The following BMPR2 variants were observed in gnomAD, a reference collection of about 807,000 sequenced individuals.
The protein encoded by BMPR2 is bone morphogenetic protein receptor type 2.
Under a neutral mutation model 100.8 loss-of-function variants are expected in BMPR2, and 29 were observed. The observed-to-expected ratio is 0.29, with a 90% CI of 0.21 to 0.39. The LOEUF (loss-of-function observed/expected upper bound fraction) is 0.39. Ranked by LOEUF, BMPR2 falls within the 10% of genes least tolerant of loss-of-function variation. The pLI is 1.00. For missense variants in BMPR2, 1,011 were observed against 1,274.5 expected (o/e 0.79, Z 3.15); for synonymous variants, 382 against 442.3 (o/e 0.86, Z 1.71).
intron 1 of BMPR2, among the ~76,000 whole-genome samples, chr2:202,448,924 GGTGTGTGTGTGTGTGTGT>G (rs55680029): frequency 2.8e-5 from 4 of 142,812 alleles, no homozygotes; most frequent in Non-Finnish European, 4.6e-5. Context: ...GTTTAGAATT[GGTGTGTGTGTGTGTGTGT>G]GTGTGTGTGT....
chr2:202,509,178 T>C (rs929073492), intron 3 of BMPR2, among the ~76,000 whole-genome samples: 22 of 152,122 alleles, frequency 1.4e-4, no homozygotes, highest in African/African-American at 5.1e-4. Context: ...TAGTTGGTCG[T>C]AGTTTAAGCA....
intron 1 of BMPR2, among the ~76,000 whole-genome samples, chr2:202,427,987 TAAAC>T (rs545549847): frequency 1.1e-3 from 165 of 152,074 alleles, no homozygotes; most frequent in African/African-American, 3.4e-3. Context: ...TTCACAAAAA[TAAAC>T]AAACAAACAA....
At position 202,567,483 on chromosome 2, in the gene BMPR2, G is replaced by A. The variant is rs1688783730; in HGVS notation, c.*7537G>A. On this transcript the variant is annotated 3_prime_UTR_variant, in exon 13 of 13. Coordinates refer to ENST00000374580, the MANE Select transcript of BMPR2 (RefSeq NM_001204.7). ...TTGCTATGCTGTATAAGTTGTGTTT[G>A]ATGGATCAGTGTGAGTATAAAATAA... 6.6e-6 allele frequency: 1 copy of A among 152,570 alleles called. No homozygotes were observed. The highest frequency in any genetic ancestry group is 6.5e-5 in the Admixed American group (1 of 15,280). The allele number at this position is 152,570 out of a possible 1,614,324, so 9.5% of individuals were successfully genotyped here. A position where few individuals can be genotyped will look rare whatever the true frequency, so the allele number is the denominator to read the frequency against.
chr2:202,468,971 G>A (rs147227262), intron 3 of BMPR2, among the ~76,000 whole-genome samples: 97 of 152,218 alleles, frequency 6.4e-4, no homozygotes, highest in Non-Finnish European at 1.1e-3. Context: ...GAATATGGAA[G>A]GGAGTGAATG....
At chr2:202,380,459 G>A (rs1690257949) in intron 1 of BMPR2, among the ~76,000 whole-genome samples, 1 of 151,934 alleles carries the variant, frequency 6.6e-6, no homozygotes, top group South Asian at 2.1e-4. Context: ...CAAAGTGTGG[G>A]TACTGCAACA....
At chr2:202,396,627 C>T (rs997958461) in intron 1 of BMPR2, among the ~76,000 whole-genome samples, 1 of 152,002 alleles carries the variant, frequency 6.6e-6, no homozygotes, top group African/African-American at 2.4e-5. Flanking sequence ...AGGCAGAGAA[C>T]ATCATAAAGA....
intron 1 of BMPR2, among the ~76,000 whole-genome samples, chr2:202,399,460 G>A (rs1240120573): frequency 6.6e-6 from 1 of 152,216 alleles, no homozygotes; most frequent in Non-Finnish European, 1.5e-5. Context: ...ACAACAAGGG[G>A]TTAGACAGGC....
chr2:202,428,851 C>T (rs1691445019), intron 1 of BMPR2, among the ~76,000 whole-genome samples: 1 of 152,186 alleles, frequency 6.6e-6, no homozygotes. Context: ...CACAAATTCT[C>T]CATCTTTCCA....
chr2:202,549,075 C>G (rs778886994), intron 10 of BMPR2, among the ~76,000 whole-genome samples: 1 of 152,108 alleles, frequency 6.6e-6, no homozygotes, highest in Non-Finnish European at 1.5e-5. Context: ...AACCACTGAT[C>G]TGCTTTCTGT....
chr2:202,472,815 A>T (rs189312859), intron 3 of BMPR2, among the ~76,000 whole-genome samples: 4 of 152,202 alleles, frequency 2.6e-5, no homozygotes, highest in Non-Finnish European at 5.9e-5. Context: ...CAGTAATGCT[A>T]TTGCAATAAA....
intron 1 of BMPR2, among the ~76,000 whole-genome samples, chr2:202,410,121 A>T (rs1690984147): frequency 6.6e-6 from 1 of 152,038 alleles, no homozygotes; most frequent in Non-Finnish European, 1.5e-5. Context: ...AGTAGCTAGG[A>T]CTATAGGCAT....
At chr2:202,481,187 T>C (rs1692653928) in intron 3 of BMPR2, among the ~76,000 whole-genome samples, 1 of 152,014 alleles carries the variant, frequency 6.6e-6, no homozygotes, top group Non-Finnish European at 1.5e-5. Flanking sequence ...TCTTCTCTTC[T>C]CTTCTCTTGA....
rs1688737180 is a variant in BMPR2 at position 202,565,041 on chromosome 2, T to TC, written c.*5097dup. 1 of 151,088 alleles carries TC rather than the reference T, an allele frequency of 6.6e-6. No individual in the cohort carries two copies. The highest frequency in any genetic ancestry group is 2.5e-5 in the African/African-American group (1 of 40,476). 9.4% of individuals were successfully genotyped at this position (151,088 alleles called of 1,614,324 possible). ...TCCAGCCTGGGCTACAGAGTGAGACTCCATCTCAAAAAAAAACAAAAAAAA... is the reference window on the plus strand; with the variant it reads ...TCCAGCCTGGGCTACAGAGTGAGACTCCCATCTCAAAAAAAAACAAAAAAAA... On this transcript the variant is annotated 3_prime_UTR_variant, in exon 13 of 13. Coordinates refer to ENST00000374580, the MANE Select transcript of BMPR2 (RefSeq NM_001204.7).
chr2:202,558,193 A>C (rs1480041699), intron 12 of BMPR2, among the ~76,000 whole-genome samples: 1 of 152,070 alleles, frequency 6.6e-6, no homozygotes, highest in African/African-American at 2.4e-5. Context: ...GTGGTCTGCA[A>C]CCTCTGCCTC....
At chr2:202,455,909 C>CA (rs1692088223) in intron 1 of BMPR2, among the ~76,000 whole-genome samples, 3 of 150,540 alleles carry the variant, frequency 2.0e-5, no homozygotes, top group Non-Finnish European at 3.0e-5. Context: ...ACTAAAAATA[C>CA]AAAAAATTAT....
At chr2:202,535,808 T>C (rs1411535739) in intron 9 of BMPR2, among the ~76,000 whole-genome samples, 2 of 152,054 alleles carry the variant, frequency 1.3e-5, no homozygotes, top group Non-Finnish European at 2.9e-5. Context: ...GAGCACTGAG[T>C]GAACGAGACT....
At chr2:202,383,952 A>T (rs539735034) in intron 1 of BMPR2, among the ~76,000 whole-genome samples, 1 of 152,204 alleles carries the variant, frequency 6.6e-6, no homozygotes, top group South Asian at 2.1e-4. Context: ...CTGGTGGATC[A>T]ACTGACGTTA....
At chr2:202,514,086 C>A (rs1448051983) in intron 4 of BMPR2, among the ~76,000 whole-genome samples, 1 of 151,760 alleles carries the variant, frequency 6.6e-6, no homozygotes, top group African/African-American at 2.4e-5. Context: ...TATTATATAT[C>A]TATAAATATT....
intron 7 of BMPR2, among the ~76,000 whole-genome samples, chr2:202,527,793 CA>C (rs943116967): frequency 4.7e-5 from 7 of 148,754 alleles, no homozygotes; most frequent in Middle Eastern, 3.4e-3. Context: ...GACTCCATCT[CA>C]AAAAAAAATA....
Sources: gnomAD v4.1 joint callset for allele counts (sites outside exome capture counted in the v4.1 genomes callset) on GRCh38, gnomAD v4.1.1 for gene constraint, MANE v1.5 for transcripts, NCBI Gene and HGNC (gene_info 2026-07-23, HGNC 2026-07-21) for gene names.